SPTLC1: variants seen among roughly 807,000 people sequenced by gnomAD.
SPTLC1 encodes the protein serine palmitoyltransferase long chain base subunit 1.
In SPTLC1, 55 loss-of-function variants were observed where a neutral mutation model predicts 68.9. That is an observed-to-expected ratio of 0.80 (90% confidence interval 0.64 to 1.00). SPTLC1 has a LOEUF of 1.00. SPTLC1 is among the 50% of genes least tolerant of loss of function. The pLI is 0.00. For missense variants in SPTLC1, 449 were observed against 573.1 expected (o/e 0.78, Z 2.21); for synonymous variants, 197 against 201.6 (o/e 0.98, Z 0.19).
chr9:92,060,743 TAAAAAAAAA>T (rs777447484), intron 6 of SPTLC1, among the ~76,000 whole-genome samples: 4 of 125,580 alleles, frequency 3.2e-5, no homozygotes, highest in African/African-American at 1.2e-4. Context: ...CATCTCTACT[TAAAAAAAAA>T]AAAAAAAAAA....
chr9:92,044,463 C>T (rs953031013), intron 12 of SPTLC1, among the ~76,000 whole-genome samples: 1 of 152,130 alleles, frequency 6.6e-6, no homozygotes, highest in African/African-American at 2.4e-5. Flanking sequence ...GAGACCTCCA[C>T]AAAAACAGTC....
intron 12 of SPTLC1, among the ~76,000 whole-genome samples, chr9:92,045,618 A>G (rs1371870583): frequency 6.6e-6 from 1 of 151,848 alleles, no homozygotes; most frequent in Non-Finnish European, 1.5e-5. Context: ...AAAAAGTAAC[A>G]CAGATGGTAT....
intron 13 of SPTLC1, among the ~76,000 whole-genome samples, chr9:92,035,405 A>C (rs1330166071): frequency 6.6e-6 from 1 of 152,230 alleles, no homozygotes; most frequent in East Asian, 1.9e-4. Flanking sequence ...GCACTGCAGA[A>C]TCTGGCGTTA....
At chr9:92,060,740 A>G (rs947380127) in intron 6 of SPTLC1, among the ~76,000 whole-genome samples, 1 of 146,376 alleles carries the variant, frequency 6.8e-6, no homozygotes, top group African/African-American at 2.5e-5. Context: ...CCCCATCTCT[A>G]CTTAAAAAAA....
chr9:92,112,488 G>T lies in SPTLC1; in HGVS notation c.132C>A (p.Tyr44Ter), dbSNP rs749079368. The T allele has an allele frequency of 1.9e-6, 3 of 1,610,214 alleles. No individual in the cohort carries two copies. The highest frequency in any genetic ancestry group is 2.7e-5 in the African/African-American group (2 of 74,816). The change falls in exon 2 of 15, where the codon TAC (tyrosine) becomes TAA (stop). Residue 44 changes from tyrosine (Y) to a stop codon, truncating the protein, a stop_gained. Coordinates refer to ENST00000262554, the MANE Select transcript of SPTLC1 (RefSeq NM_006415.4). LOFTEE classifies it high-confidence loss of function. ...TAAGATCAGATCGTTCTTGTAATTT[G>T]TAAGTCTTAGAGAAAAGAAGTCTGA... ...WIIRLLFSKTYKLQERSDLTV... is the reference protein window; with the variant it reads ...WIIRLLFSKT
intron 1 of SPTLC1, chr9:92,114,866 T>C (rs1836387749): frequency 5.4e-6 from 1 of 184,016 alleles, no homozygotes; most frequent in African/African-American, 2.4e-5. Context: ...ACTTGATTTC[T>C]TTTCGACAAA....
At chr9:92,049,823 G>GTGAC in intron 9 of SPTLC1, 137 bp downstream of exon 9, 1 of 722,450 alleles carries the variant, frequency 1.4e-6, no homozygotes, top group East Asian at 2.7e-5. Flanking sequence ...GCTCACTGAG[G>GTGAC]TGACAGACAC....
At chr9:92,094,090 G>A (rs1009005307) in intron 3 of SPTLC1, among the ~76,000 whole-genome samples, 1 of 152,168 alleles carries the variant, frequency 6.6e-6, no homozygotes, top group Admixed American at 6.5e-5. Flanking sequence ...GAATGTCTTT[G>A]GGACCTCAGG....
At chr9:92,067,874 T>C (rs1432058034) in intron 6 of SPTLC1, 92 bp downstream of exon 6, 2 of 1,454,562 alleles carry the variant, frequency 1.4e-6, no homozygotes, top group East Asian at 2.3e-5. Context: ...AGCATTATTT[T>C]ATGCAGATAA....
chr9:92,094,242 G>C (rs1835459130), intron 3 of SPTLC1, among the ~76,000 whole-genome samples: 1 of 152,138 alleles, frequency 6.6e-6, no homozygotes, highest in Non-Finnish European at 1.5e-5. Flanking sequence ...ATAGAGAAGA[G>C]GTTTATTGTA....
intron 1 of SPTLC1, chr9:92,115,076 G>C (rs1169083185): frequency 1.7e-6 from 1 of 583,874 alleles, no homozygotes; most frequent in Non-Finnish European, 3.1e-6. Flanking sequence ...GCTTCCAGGG[G>C]ACCCGGAGCA....
chr9:92,054,733 T>G (rs1315703415), intron 8 of SPTLC1, among the ~76,000 whole-genome samples: 1 of 151,996 alleles, frequency 6.6e-6, no homozygotes, highest in Admixed American at 6.5e-5. Flanking sequence ...GCCGACATGG[T>G]GAAACCCCGT....
At chr9:92,038,218 G>T (rs1206329546) in intron 13 of SPTLC1, 30 bp downstream of exon 13, 2 of 1,442,348 alleles carry the variant, frequency 1.4e-6, no homozygotes, top group Admixed American at 1.7e-5. Flanking sequence ...AAGTGGTGTG[G>T]GGGGATGCCT....
chr9:92,048,715 G>C (rs1833603804), intron 9 of SPTLC1, among the ~76,000 whole-genome samples: 1 of 152,086 alleles, frequency 6.6e-6, no homozygotes, highest in Admixed American at 6.6e-5. Context: ...CACAAAACTA[G>C]TATCATACTT....
At chr9:92,079,641 A>G in intron 5 of SPTLC1, 2 of 1,357,394 alleles carry the variant, frequency 1.5e-6, no homozygotes, top group Non-Finnish European at 2.1e-6. Flanking sequence ...CTTTCTTCCT[A>G]GAGCTGTTTC....
At chr9:92,054,005 T>A (rs1833797304) in intron 8 of SPTLC1, 4 of 984,120 alleles carry the variant, frequency 4.1e-6, no homozygotes, top group Non-Finnish European at 2.4e-6. Flanking sequence ...GTTTTGGCCA[T>A]GCGTGGTGGC....
intron 8 of SPTLC1, chr9:92,054,034 C>A: frequency 1.1e-6 from 1 of 917,784 alleles, no homozygotes; most frequent in South Asian, 5.0e-5. Context: ...GTAATCTCAG[C>A]ACTTTGGGAG....
At chr9:92,077,177 G>A (rs1353785987) in intron 5 of SPTLC1, 1 of 152,226 alleles carries the variant, frequency 6.6e-6, no homozygotes, top group African/African-American at 2.4e-5. Flanking sequence ...ACCGGGTACA[G>A]TCCATTTGAA....
intron 10 of SPTLC1, 101 bp from the exon 11 acceptor site, chr9:92,047,369 C>T (rs1833552294): frequency 2.0e-6 from 2 of 994,272 alleles, no homozygotes; most frequent in African/African-American, 1.6e-5. Context: ...ACAGTGTGTA[C>T]ATGTGGTGAG....
Sources: gnomAD v4.1 joint callset for allele counts (sites outside exome capture counted in the v4.1 genomes callset) on GRCh38, gnomAD v4.1.1 for gene constraint, MANE v1.5 for transcripts, NCBI Gene and HGNC (gene_info 2026-07-23, HGNC 2026-07-21) for gene names.